Variants in XPO4 observed in about 807,000 individuals in gnomAD.
XPO4 encodes exportin-4.
A neutral mutation model predicts 143.0 loss-of-function variants in XPO4; 39 were observed. The observed-to-expected ratio is 0.27, with a 90% CI of 0.21 to 0.36. The LOEUF (loss-of-function observed/expected upper bound fraction) is 0.36. XPO4 is among the 10% of genes least tolerant of loss of function. The pLI is 1.00. For missense variants in XPO4, 907 were observed against 1,348.0 expected (o/e 0.67, Z 5.12); for synonymous variants, 439 against 474.0 (o/e 0.93, Z 0.96).
intron 1 of XPO4, among the ~76,000 whole-genome samples, chr13:20,891,931 T>C (rs1332787078): frequency 6.6e-6 from 1 of 151,900 alleles, no homozygotes; most frequent in Non-Finnish European, 1.5e-5. Context: ...CAAGCAATTC[T>C]GCCTTATCCA....
At chr13:20,836,933 T>C (rs1253187872) in intron 6 of XPO4, among the ~76,000 whole-genome samples, 1 of 152,222 alleles carries the variant, frequency 6.6e-6, no homozygotes, top group African/African-American at 2.4e-5. Flanking sequence ...TTGTGGTCTT[T>C]TGTGAATGGC....
rs1038975393 is a variant in XPO4 at position 20,781,030 on chromosome 13, G to C, written c.*2692C>G. 2 of 152,034 alleles carry C rather than the reference G, an allele frequency of 1.3e-5. No individual in the cohort carries two copies. Among genetic ancestry groups the C allele is most frequent in the Admixed American group, 6.6e-5 (1 of 15,260 alleles). 9.4% of individuals were successfully genotyped at this position (152,034 alleles called of 1,614,324 possible). A position where few individuals can be genotyped will look rare whatever the true frequency, so the allele number is the denominator to read the frequency against. ...GATGTATGGAAAACTAGAGGTTAAA[G>C]GATACTATATGAACAACAGAAATTT... On this transcript the variant is annotated 3_prime_UTR_variant, in exon 23 of 23. Transcript: ENST00000255305.
intron 1 of XPO4, among the ~76,000 whole-genome samples, chr13:20,894,000 C>A (rs1213292197): frequency 1.2e-4 from 19 of 152,088 alleles, no homozygotes; most frequent in Admixed American, 1.2e-3. Flanking sequence ...TGCGCCACCA[C>A]ACCAGCTAAT....
At chr13:20,838,868 A>T (rs906717252) in intron 6 of XPO4, among the ~76,000 whole-genome samples, 1 of 152,170 alleles carries the variant, frequency 6.6e-6, no homozygotes, top group Non-Finnish European at 1.5e-5. Context: ...ATGGATTAAA[A>T]AAGTGGTATA....
intron 4 of XPO4, among the ~76,000 whole-genome samples, chr13:20,853,286 A>G (rs2060108453): frequency 6.8e-6 from 1 of 146,176 alleles, no homozygotes; most frequent in African/African-American, 2.5e-5. Flanking sequence ...AGCTGTAATC[A>G]TATCACTGCA....
chr13:20,886,965 C>T (rs950454699), intron 1 of XPO4, among the ~76,000 whole-genome samples: 2 of 151,834 alleles, frequency 1.3e-5, no homozygotes, highest in East Asian at 1.9e-4. Flanking sequence ...CCTAGCTACT[C>T]GTGAGGCTGA....
chr13:20,798,630 G>C (rs2059389028), intron 16 of XPO4, among the ~76,000 whole-genome samples: 1 of 152,152 alleles, frequency 6.6e-6, no homozygotes, highest in African/African-American at 2.4e-5. Flanking sequence ...AATATTCAAT[G>C]TCATCACACA....
chr13:20,876,372 A>G (rs1007949931), intron 1 of XPO4, among the ~76,000 whole-genome samples: 1 of 152,142 alleles, frequency 6.6e-6, no homozygotes, highest in African/African-American at 2.4e-5. Context: ...AGCAGAAAAA[A>G]CAATGGAATG....
chr13:20,857,136 A>G (rs1260952248), intron 3 of XPO4, among the ~76,000 whole-genome samples: 1 of 152,216 alleles, frequency 6.6e-6, no homozygotes, highest in African/African-American at 2.4e-5. Flanking sequence ...AGATCCTACT[A>G]TGCATAAGAA....
intron 4 of XPO4, chr13:20,851,922 A>C (rs1277649477): frequency 1.0e-6 from 1 of 985,246 alleles, no homozygotes; most frequent in East Asian, 1.1e-4. Context: ...CTCCAAAAAA[A>C]TCCAATTGCC....
chr13:20,843,024 T>C lies in XPO4; in HGVS notation c.598A>G (p.Met200Val), dbSNP rs371877442. The change falls in exon 6 of 23, where the codon ATG (methionine) becomes GTG (valine). Residue 200 changes from methionine (M) to valine (V), a missense_variant. Physicochemically the swap from Met to Val is conservative, Grantham distance 21 (BLOSUM62 1). Transcript: ENST00000255305. ...FQEEDLRQIF[M>V]LTVEVLQEFS... is the part of the protein sequence containing the mutation. Reference sequence around the variant, plus strand: ...TCCTGCAGAACTTCAACAGTTAACATGAAGATCTGACGAAGGTCTTCTTCC... The same window carrying C: ...TCCTGCAGAACTTCAACAGTTAACACGAAGATCTGACGAAGGTCTTCTTCC... 13 of 1,611,988 alleles carry C rather than the reference T, an allele frequency of 8.1e-6. No individual in the cohort carries two copies. Among genetic ancestry groups the C allele is most frequent in the African/African-American group, 2.7e-5 (2 of 74,934 alleles).
chr13:20,823,314 T>C (rs1036645750), intron 7 of XPO4, among the ~76,000 whole-genome samples: 1 of 152,216 alleles, frequency 6.6e-6, no homozygotes, highest in Non-Finnish European at 1.5e-5. Context: ...ATTTAAGTAC[T>C]CACTGGTATG....
intron 4 of XPO4, chr13:20,848,303 G>C: frequency 1.0e-6 from 1 of 985,398 alleles, no homozygotes. Context: ...CCTGTTGTTT[G>C]AATCAGTTAG....
chr13:20,872,794 T>A (rs2060312291), intron 1 of XPO4, among the ~76,000 whole-genome samples: 1 of 140,156 alleles, frequency 7.1e-6, no homozygotes. Context: ...AAACTACACT[T>A]ACATAGCTCA....
intron 13 of XPO4, among the ~76,000 whole-genome samples, chr13:20,805,069 T>A (rs2059486667): frequency 6.6e-6 from 1 of 151,984 alleles, no homozygotes; most frequent in Admixed American, 6.6e-5. Flanking sequence ...CTCAGCCTCC[T>A]GAGTAGCTGG....
intron 2 of XPO4, among the ~76,000 whole-genome samples, chr13:20,865,822 G>A (rs968088689): frequency 2.6e-5 from 4 of 152,116 alleles, no homozygotes; most frequent in African/African-American, 9.7e-5. Context: ...TGATACCTAT[G>A]CCCACCAACT....
At chr13:20,875,698 C>T (rs1255466348) in intron 1 of XPO4, among the ~76,000 whole-genome samples, 2 of 152,106 alleles carry the variant, frequency 1.3e-5, no homozygotes, top group African/African-American at 4.8e-5. Flanking sequence ...CTCAAAAACC[C>T]CTTTACACAA....
chr13:20,835,931 A>C (rs1194757862), intron 6 of XPO4, among the ~76,000 whole-genome samples: 1 of 152,152 alleles, frequency 6.6e-6, no homozygotes, highest in Admixed American at 6.6e-5. Flanking sequence ...ATGAACACTA[A>C]ATATCATTTA....
At chr13:20,873,767 A>C (rs1198949286) in intron 1 of XPO4, among the ~76,000 whole-genome samples, 1 of 152,196 alleles carries the variant, frequency 6.6e-6, no homozygotes, top group African/African-American at 2.4e-5. Context: ...AGTAGCTGGG[A>C]CTACAGGCAC....
Sources: gnomAD v4.1 joint callset for allele counts (sites outside exome capture counted in the v4.1 genomes callset) on GRCh38, gnomAD v4.1.1 for gene constraint, MANE v1.5 for transcripts, NCBI Gene and HGNC (gene_info 2026-07-23, HGNC 2026-07-21) for gene names.